ZNF675: variants seen among roughly 807,000 people sequenced by gnomAD.
The protein encoded by ZNF675 is zinc finger protein 675.
In ZNF675, 36 loss-of-function variants were observed where a neutral mutation model predicts 56.1. The ratio of observed to expected loss-of-function variants is 0.64; its 90% CI spans 0.49 to 0.85. The LOEUF (loss-of-function observed/expected upper bound fraction) is 0.85. Among genes scored for constraint, ZNF675 ranks in the 40% least tolerant of loss-of-function variants. The pLI, the probability that ZNF675 is intolerant of heterozygous loss-of-function variation, is 0.00. For synonymous variants in ZNF675, 200 were observed against 218.9 expected, an observed-to-expected ratio of 0.91 and a Z score of 0.76; for missense variants, 663 against 654.2, an observed-to-expected ratio of 1.01 and a Z score of -0.15.
At chr19:23,684,275 A>AAC (rs1968415323) in intron 1 of ZNF675, among the ~76,000 whole-genome samples, 7 of 148,888 alleles carry the variant, frequency 4.7e-5, no homozygotes, top group South Asian at 2.1e-4. Context: ...AAAAAAAAAA[A>AAC]AAAAAAACTA....
Position 23,687,124 on chromosome 19 carries a change from AGAG to A in ZNF675, c.-94_-92del. 6.6e-7 allele frequency: 1 copy of A among 1,509,666 alleles called. No individual in the cohort carries two copies. Among genetic ancestry groups the A allele is most frequent in the South Asian group, 1.1e-5 (1 of 89,022 alleles). 93.5% of individuals were successfully genotyped at this position (1,509,666 alleles called of 1,614,324 possible). A position where few individuals can be genotyped will look rare whatever the true frequency, so the allele number is the denominator to read the frequency against. On this transcript the variant is annotated 5_prime_UTR_variant, in exon 1 of 4. Coordinates refer to ENST00000359788, the MANE Select transcript of ZNF675 (RefSeq NM_138330.3). ...CCACAGAGGCTGGACCTCTAGGAGC[AGAG>A]GACACAGAGCAATGAAAGCGAGACC... is the stretch of plus-strand genomic sequence containing the variant.
intron 1 of ZNF675, among the ~76,000 whole-genome samples, chr19:23,668,536 A>T: frequency 6.6e-6 from 1 of 152,194 alleles, no homozygotes; most frequent in South Asian, 2.1e-4. Flanking sequence ...CACACTCCTC[A>T]GCCCTTGGGC....
chr19:23,667,918 C>T (rs1968175282), intron 1 of ZNF675, among the ~76,000 whole-genome samples: 1 of 142,708 alleles, frequency 7.0e-6, no homozygotes. Flanking sequence ...AGAGTGCCGA[C>T]TGGTGTATTT....
intron 3 of ZNF675, among the ~76,000 whole-genome samples, chr19:23,660,237 G>A (rs1568289640): frequency 6.6e-6 from 1 of 152,144 alleles, no homozygotes; most frequent in Non-Finnish European, 1.5e-5. Context: ...ATCACCCTGA[G>A]CGTCCAACAA....
intron 3 of ZNF675, among the ~76,000 whole-genome samples, chr19:23,659,622 GTCT>G (rs1351505547): frequency 2.0e-5 from 3 of 152,306 alleles, no homozygotes; most frequent in Non-Finnish European, 4.4e-5. Flanking sequence ...AGATTTAAAA[GTCT>G]TCTTTTCAGA....
Position 23,687,201 on chromosome 19 carries a change from G to T in ZNF675, c.-168C>A. The T allele has an allele frequency of 1.3e-6, 1 of 782,838 alleles. No homozygotes were observed. Among genetic ancestry groups the T allele is most frequent in the Non-Finnish European group, 2.1e-6 (1 of 473,662 alleles). 48.5% of individuals were successfully genotyped at this position (782,838 alleles called of 1,614,324 possible). On this transcript the variant is annotated 5_prime_UTR_variant, in exon 1 of 4. Coordinates refer to ENST00000359788, the MANE Select transcript of ZNF675 (RefSeq NM_138330.3). ...ACAAAGGCGCCGCCAAATCCCGGAA[G>T]CCATCTTGTCTGCTCCAGCTGCGTG... is the stretch of plus-strand genomic sequence containing the variant.
intron 1 of ZNF675, among the ~76,000 whole-genome samples, chr19:23,685,169 T>C (rs10418862): frequency 0.011 from 1,711 of 152,228 alleles, 36 homozygotes; most frequent in African/African-American, 0.038. Context: ...TTCACCATGT[T>C]AGTCAGGCTG....
intron 1 of ZNF675, among the ~76,000 whole-genome samples, chr19:23,684,576 G>A (rs1272583021): frequency 4.0e-5 from 6 of 151,716 alleles, no homozygotes; most frequent in Non-Finnish European, 7.4e-5. Flanking sequence ...CCTGGGAGGC[G>A]GAGGTTGCCA....
At chr19:23,665,758 C>A (rs376107862) in intron 1 of ZNF675, among the ~76,000 whole-genome samples, 4 of 152,058 alleles carry the variant, frequency 2.6e-5, no homozygotes, top group African/African-American at 9.7e-5. Context: ...CTTGGCCTCC[C>A]AAAGTGCTGG....
At chr19:23,677,415 T>C (rs534939359) in intron 1 of ZNF675, among the ~76,000 whole-genome samples, 1 of 151,484 alleles carries the variant, frequency 6.6e-6, no homozygotes, top group South Asian at 2.1e-4. Flanking sequence ...AAATTAATAA[T>C]ACAATCCTAG....
chr19:23,682,050 G>C (rs1024560544), intron 1 of ZNF675, among the ~76,000 whole-genome samples: 1 of 151,666 alleles, frequency 6.6e-6, no homozygotes, highest in Non-Finnish European at 1.5e-5. Context: ...TGTAGAGCCA[G>C]ACATAGACTC....
chr19:23,662,822 A>C, intron 2 of ZNF675, among the ~76,000 whole-genome samples: 1 of 152,168 alleles, frequency 6.6e-6, no homozygotes, highest in East Asian at 1.9e-4. Flanking sequence ...TCTACCAAAA[A>C]TACAAAAAAA....
chr19:23,662,089 TG>T (rs752970426), intron 3 of ZNF675, 24 bp downstream of exon 3: 6 of 1,537,550 alleles, frequency 3.9e-6, no homozygotes, highest in Non-Finnish European at 5.4e-6. Context: ...TGTCACCTGT[TG>T]TATTCACTTT....
intron 3 of ZNF675, among the ~76,000 whole-genome samples, chr19:23,661,171 T>C (rs1568289897): frequency 6.6e-6 from 1 of 152,002 alleles, no homozygotes; most frequent in East Asian, 1.9e-4. Context: ...AAAAGAAAGA[T>C]TTATCTCTGT....
rs992041523 is a variant in ZNF675, at chr19:23,653,766, A to G, written c.1167T>C (p.Ile389=). 21 of 1,613,660 alleles carry G rather than the reference A, an allele frequency of 1.3e-5. 1 individual carries two copies. The highest frequency in any genetic ancestry group is 3.3e-4 in the Middle Eastern group (2 of 6,078). Residue 389 remains isoleucine, a synonymous_variant, in exon 4 of 4, where the codon ATT becomes ATC. Coordinates refer to ENST00000359788, the MANE Select transcript of ZNF675 (RefSeq NM_138330.3). ...ATTTGTAGGGTTTCTCTTCGGTATG[A>G]ATTTTCCTATGTTCCGTAAGATTTG... ...RSSNLTEHRK[I]HTEEKPYKCK...
chr19:23,653,813 C>A lies in ZNF675; in HGVS notation c.1120G>T (p.Gly374Cys), dbSNP rs375706048. The change falls in exon 4 of 4, where the codon GGC becomes TGC. Residue 374 changes from glycine to cysteine, a missense_variant. By Grantham distance (159) the Gly-to-Cys change is radical. Coordinates refer to ENST00000359788, the MANE Select transcript of ZNF675 (RefSeq NM_138330.3). ...GEQPYKCEEC[G>C]KAFNRSSNLT... is the part of the protein sequence containing the mutation. ...TTTGAGGATCGGTTAAAAGCTTTGC[C>A]GCATTCCTCACATTTGTAGGGTTGC... 1 of 1,613,666 alleles carries A rather than the reference C, an allele frequency of 6.2e-7. No homozygotes were observed. Among genetic ancestry groups the A allele is most frequent in the Non-Finnish European group, 8.5e-7 (1 of 1,179,866 alleles).
intron 3 of ZNF675, chr19:23,656,011 G>C (rs1366477031): frequency 7.0e-6 from 1 of 142,414 alleles, no homozygotes; most frequent in Non-Finnish European, 1.5e-5. Flanking sequence ...GAGGTAAAAG[G>C]ATCACTTGAG....
At position 23,686,940 on chromosome 19, in the gene ZNF675, T is replaced by G. The variant is rs562559401; in HGVS notation, c.3+91A>C. 446 of 1,493,504 alleles carry G rather than the reference T, an allele frequency of 3.0e-4. 1 individual carries two copies. The highest frequency in any genetic ancestry group is 3.0e-3 in the South Asian group (264 of 88,508). The allele number at this position is 1,493,504 out of a possible 1,614,324, so 92.5% of individuals were successfully genotyped here. On this transcript the variant is annotated intron_variant, in intron 1 of 3. Transcript: ENST00000359788. ...TCGGGGTGCAGATTGTGGAGCTGAC[T>G]GCGGGGAGGCCTGAGTCCCGCCATA... is the stretch of plus-strand genomic sequence containing the variant.
At chr19:23,678,994 A>C (rs1300213503) in intron 1 of ZNF675, among the ~76,000 whole-genome samples, 1 of 151,136 alleles carries the variant, frequency 6.6e-6, no homozygotes, top group Admixed American at 6.6e-5. Flanking sequence ...GTGAAACCCC[A>C]TCTCTACTAA....
Sources: allele counts gnomAD v4.1 joint callset (sites outside exome capture counted in the v4.1 genomes callset), GRCh38; gene constraint gnomAD v4.1.1; transcripts MANE v1.5; gene names NCBI Gene and HGNC (gene_info 2026-07-23, HGNC 2026-07-21).